Variants in ZNF517 observed in about 807,000 individuals in gnomAD.
The protein encoded by ZNF517 is zinc finger protein 517.
Under a neutral mutation model 12.1 loss-of-function variants are expected in ZNF517, and 12 were observed. The ratio of observed to expected loss-of-function variants is 0.99; its 90% CI spans 0.63 to 1.61. The LOEUF is 1.61. Ranked by LOEUF, ZNF517 falls within the 40% of genes most tolerant of loss-of-function variation. The probability of loss-of-function intolerance (pLI) is 0.00; values close to 1 mark genes in which losing one functional copy is unlikely to be tolerated. For synonymous variants in ZNF517, 388 were observed against 310.2 expected (o/e 1.25, Z -2.63); for missense variants, 781 against 693.2 (o/e 1.13, Z -1.42).
At chr8:144,805,920 G>A (rs1250279825) in intron 4 of ZNF517, among the ~76,000 whole-genome samples, 1 of 152,184 alleles carries the variant, frequency 6.6e-6, no homozygotes, top group Non-Finnish European at 1.5e-5. Context: ...CGCCTGGCCA[G>A]AACAGAGATT....
At chr8:144,813,398 T>TCA (rs934794086), downstream of ZNF517, among the ~76,000 whole-genome samples, 8 of 149,410 alleles carry the variant, frequency 5.4e-5, no homozygotes, top group Admixed American at 3.3e-4. Flanking sequence ...GATGAATAGG[T>TCA]CACACACACA....
At chr8:144,807,055 T>C (rs1827257992) in intron 4 of ZNF517, 136 bp from the exon 5 acceptor site, 1 of 1,182,512 alleles carries the variant, frequency 8.5e-7, no homozygotes, top group South Asian at 1.9e-5. Context: ...ATACAAGTTT[T>C]ATTTGTCATT....
rs1432220610 is a variant in ZNF517 at position 144,808,281 on chromosome 8, C to CG, written c.1366dup (p.Ala456GlyfsTer68). The CG allele has an allele frequency of 6.4e-7, 1 of 1,563,594 alleles. No homozygotes were observed. The highest frequency in any genetic ancestry group is 2.3e-5 in the East Asian group (1 of 42,752). On this transcript the variant is annotated frameshift_variant, in exon 5 of 5. Transcript: ENST00000359971. LOFTEE classifies it low-confidence loss of function (END_TRUNC). Reference sequence around the variant, plus strand: ...GCGGCGAGAGGCCATACCGGTGCCGCGCCTGCGGGAGGGCCTGCAGCCGGC... The same window carrying CG: ...GCGGCGAGAGGCCATACCGGTGCCGCGGCCTGCGGGAGGGCCTGCAGCCGGC...
At chr8:144,810,581 G>A (rs112749630), downstream of ZNF517, 4 of 225,138 alleles carry the variant, frequency 1.8e-5, no homozygotes, top group East Asian at 3.6e-4. Context: ...AAAGCACGAA[G>A]GTCAGGGCCA....
At chr8:144,805,863 G>A (rs1403888572) in intron 4 of ZNF517, among the ~76,000 whole-genome samples, 1,342 of 128,748 alleles carry the variant, frequency 0.01, no homozygotes, top group Middle Eastern at 0.092. Flanking sequence ...CTTGTGATCC[G>A]CCGCCTCGGC....
At chr8:144,800,091 C>T (rs1321437951) in intron 1 of ZNF517, among the ~76,000 whole-genome samples, 2 of 151,806 alleles carry the variant, frequency 1.3e-5, no homozygotes, top group African/African-American at 4.9e-5. Flanking sequence ...TGCCCCAGGT[C>T]CCCGAGGAAC....
intron 1 of ZNF517, among the ~76,000 whole-genome samples, chr8:144,799,524 G>T (rs1018266347): frequency 6.6e-6 from 1 of 152,226 alleles, no homozygotes; most frequent in Non-Finnish European, 1.5e-5. Context: ...AGTGTAACAG[G>T]CAATAACGCA....
At chr8:144,812,145 CAG>C (rs774799705), downstream of ZNF517, among the ~76,000 whole-genome samples, 6 of 136,208 alleles carry the variant, frequency 4.4e-5, no homozygotes, top group African/African-American at 8.9e-5. Context: ...AAGGCTGAGA[CAG>C]GGTGGGAGAG....
Position 144,807,245 on chromosome 8 carries a change from G to A in ZNF517, c.329G>A (p.Arg110Lys). The A allele has an allele frequency of 1.3e-6, 2 of 1,549,580 alleles. No individual in the cohort carries two copies. Among genetic ancestry groups the A allele is most frequent in the South Asian group, 1.2e-5 (1 of 80,418 alleles). Residue 110 changes from arginine (R) to lysine (K), a missense_variant, in exon 5 of 5, where the codon AGG becomes AAG. Coordinates refer to ENST00000359971, the MANE Select transcript of ZNF517 (RefSeq NM_213605.3). ...TCTCCTCTGCAGAGAAAGCTCTCCA[G>A]GCAGGCAGGACTGCCGGGCACCGTG... ...MESPLQRKLS[R>K]QAGLPGTVWG...
chr8:144,799,326 C>T (rs968301639), intron 1 of ZNF517, among the ~76,000 whole-genome samples: 1 of 152,214 alleles, frequency 6.6e-6, no homozygotes, highest in Non-Finnish European at 1.5e-5. Flanking sequence ...GACGCCGTTT[C>T]CCGCAGCGTT....
In ZNF517 at chr8:144,801,071, C is replaced by T. The variant is rs142501600; in HGVS notation, c.-45-1799C>T. Among the ~76,000 whole-genome samples the T allele has an allele frequency of 1.6e-3, 237 of 152,246 alleles. 2 individuals carry two copies. Among genetic ancestry groups the T allele is most frequent in the Admixed American group, 3.7e-3 (56 of 15,292 alleles). ...CACGAACTCCTGACTTCAAATGATC[C>T]GCCCTCATCGGCCTCCTAAAGTGCT... is the stretch of plus-strand genomic sequence containing the variant. On this transcript the variant is annotated intron_variant, in intron 1 of 4. Transcript: ENST00000359971.
downstream of ZNF517, among the ~76,000 whole-genome samples, chr8:144,812,810 G>A (rs1377808105): frequency 6.6e-6 from 1 of 152,144 alleles, no homozygotes; most frequent in Non-Finnish European, 1.5e-5. Context: ...AAGCCAAATG[G>A]TCCTTGTTTG....
rs1486903891 is a variant in ZNF517, at chr8:144,809,318, G to T, written c.*923G>T. The T allele has an allele frequency of 6.6e-6, 1 of 152,124 alleles. No homozygotes were observed. Among genetic ancestry groups the T allele is most frequent in the East Asian group, 2.0e-4 (1 of 5,114 alleles). The allele number at this position is 152,124 out of a possible 1,614,324, so 9.4% of individuals were successfully genotyped here. A position where few individuals can be genotyped will look rare whatever the true frequency, so the allele number is the denominator to read the frequency against. On this transcript the variant is annotated 3_prime_UTR_variant, in exon 5 of 5. Transcript: ENST00000359971. ...CGTTTCTCCCACCTTAGCCTCCTGAGTAGCTGGGACTAAGGCACACACACT... is the reference window on the plus strand; with the variant it reads ...CGTTTCTCCCACCTTAGCCTCCTGATTAGCTGGGACTAAGGCACACACACT...
Sources: gnomAD v4.1 joint callset for allele counts (sites outside exome capture counted in the v4.1 genomes callset) on GRCh38, gnomAD v4.1.1 for gene constraint, MANE v1.5 for transcripts, NCBI Gene and HGNC (gene_info 2026-07-23, HGNC 2026-07-21) for gene names.